The following CACNA1S variants were observed in gnomAD, a reference collection of about 807,000 sequenced individuals.
CACNA1S encodes voltage-dependent L-type calcium channel subunit alpha-1S.
Under a neutral mutation model 207.4 loss-of-function variants are expected in CACNA1S, and 126 were observed. The ratio of observed to expected loss-of-function variants is 0.61; its 90% CI spans 0.53 to 0.70. The LOEUF (loss-of-function observed/expected upper bound fraction) is 0.70, where lower values mean the gene tolerates loss of function less well. Among genes scored for constraint, CACNA1S ranks in the 30% least tolerant of loss-of-function variants. The pLI, the probability that CACNA1S is intolerant of heterozygous loss-of-function variation, is 0.00. For synonymous variants in CACNA1S, 960 were observed against 932.7 expected (o/e 1.03, Z -0.53); for missense variants, 2,349 against 2,422.8 (o/e 0.97, Z 0.64).
intron 40 of CACNA1S, chr1:201,042,000 C>T (rs1483564083): frequency 6.2e-6 from 2 of 320,852 alleles, no homozygotes; most frequent in Admixed American, 4.1e-5. Flanking sequence ...TTTGCAGAAG[C>T]TCCCTGGATT....
rs566562378 is a variant in CACNA1S at position 201,070,315 on chromosome 1, T to G, written c.2317A>C (p.Ile773Leu). The G allele has an allele frequency of 6.2e-7, 1 of 1,613,972 alleles. No homozygotes were observed. Among genetic ancestry groups the G allele is most frequent in the East Asian group, 2.2e-5 (1 of 44,892 alleles). Residue 773 changes from isoleucine (I) to leucine (L), a missense_variant, in exon 17 of 44, where the codon ATT becomes CTT. Transcript: ENST00000362061. Reference protein sequence around the residue: ...ELQLKEKAVPIPEASSFFIFS... With the variant: ...ELQLKEKAVPLPEASSFFIFS... Reference sequence around the variant, plus strand: ...ATGAAGAAGGAGCTGGCTTCTGGAATGGGCACGGCCTTCTCTTTCAGCTGC... The same window carrying G: ...ATGAAGAAGGAGCTGGCTTCTGGAAGGGGCACGGCCTTCTCTTTCAGCTGC...
intron 11 of CACNA1S, among the ~76,000 whole-genome samples, chr1:201,077,587 T>C (rs891131387): frequency 3.9e-5 from 6 of 152,224 alleles, no homozygotes; most frequent in Non-Finnish European, 8.8e-5. Flanking sequence ...CCTGTCCTCC[T>C]TCCCTCTTCC....
At position 201,039,744 on chromosome 1, in the gene CACNA1S, C is replaced by T. The variant is rs577214090; in HGVS notation, c.*87G>A. The T allele has an allele frequency of 3.7e-4, 569 of 1,549,776 alleles. No homozygotes were observed. The highest frequency in any genetic ancestry group is 4.5e-4 in the Non-Finnish European group (511 of 1,136,314). ...CTGCTGAGAGGGAGGGAGGCTGCTG[C>T]GGTGGGCTAGCCCTTCTCCACCCCA... On this transcript the variant is annotated 3_prime_UTR_variant, in exon 44 of 44. Coordinates refer to ENST00000362061, the MANE Select transcript of CACNA1S (RefSeq NM_000069.3).
At chr1:201,082,160 C>A (rs1661863218) in intron 10 of CACNA1S, among the ~76,000 whole-genome samples, 1 of 151,786 alleles carries the variant, frequency 6.6e-6, no homozygotes, top group African/African-American at 2.4e-5. Context: ...TCCTGAGTAG[C>A]TGGGACTACG....
At chr1:201,043,005 C>T (rs1484190472) in intron 40 of CACNA1S, 1 of 430,614 alleles carries the variant, frequency 2.3e-6, no homozygotes, top group Non-Finnish European at 4.3e-6. Flanking sequence ...GTGTTCAATA[C>T]GTCTCAGCTC....
In CACNA1S at chr1:201,074,534, C is replaced by T. The variant is rs772021179; in HGVS notation, c.2035G>A (p.Glu679Lys). 1.2e-6 allele frequency: 2 copies of T among 1,613,688 alleles called. No individual in the cohort carries two copies. Among genetic ancestry groups the T allele is most frequent in the Non-Finnish European group, 1.7e-6 (2 of 1,179,616 alleles). Residue 679 changes from glutamate to lysine, a missense_variant, in exon 14 of 44, where the codon GAG becomes AAG. Physicochemically the swap from Glu to Lys is moderately conservative, Grantham distance 56. Transcript: ENST00000362061. ...SLTSAQKAKA[E>K]EKKRRKMSKG... Reference sequence around the variant, plus strand: ...GACATCTTCCTGCGTTTTTTCTCCTCAGCCTTGGCCTTCTGGGCAGAAGTC... The same window carrying T: ...GACATCTTCCTGCGTTTTTTCTCCTTAGCCTTGGCCTTCTGGGCAGAAGTC...
At chr1:201,076,221 G>T (rs1280817233) in intron 12 of CACNA1S, among the ~76,000 whole-genome samples, 1 of 152,186 alleles carries the variant, frequency 6.6e-6, no homozygotes, top group Non-Finnish European at 1.5e-5. Flanking sequence ...CTGTTATTCT[G>T]GCCTTAGAAG....
intron 5 of CACNA1S, 82 bp downstream of exon 5, chr1:201,091,558 G>A (rs1157342640): frequency 2.0e-6 from 3 of 1,496,484 alleles, no homozygotes; most frequent in African/African-American, 1.4e-5. Flanking sequence ...TGAGCTCCGG[G>A]CTCCTTCACC....
chr1:201,106,418 TTGCCCACGTGGCTTCCTC>T (rs1461425379), intron 2 of CACNA1S, among the ~76,000 whole-genome samples: 1 of 152,062 alleles, frequency 6.6e-6, no homozygotes, highest in Non-Finnish European at 1.5e-5. Flanking sequence ...CTCCAGCCCT[TTGCCCACGTGGCTTCCTC>T]TGCCCAGAAT....
chr1:201,091,828 G>A (rs755975821), intron 4 of CACNA1S, 36 bp from the exon 5 acceptor site: 240 of 1,601,754 alleles, frequency 1.5e-4, no homozygotes, highest in Middle Eastern at 1.7e-4. Context: ...AAGAGGAGTC[G>A]CCTCTGCTTG....
chr1:201,082,702 T>C (rs140757361), intron 10 of CACNA1S, among the ~76,000 whole-genome samples: 1 of 152,352 alleles, frequency 6.6e-6, no homozygotes, highest in Non-Finnish European at 1.5e-5. Flanking sequence ...GGTGTATTAG[T>C]GTTCTCTGTA....
chr1:201,052,546 GAGACGCGTGCCTGA>G lies in CACNA1S; in HGVS notation c.3950_3953+10del, dbSNP rs1558057271. ...AGCGGGGTAGGGGTGGGGGTGGCGG[GAGACGCGTGCCTGA>G]AGAGCAGTAGCACAGCTTGTGGGAA... On this transcript the variant is annotated splice_donor_variant and splice_donor_5th_base_variant and coding_sequence_variant and intron_variant, in exon 32 of 44. Coordinates refer to ENST00000362061, the MANE Select transcript of CACNA1S (RefSeq NM_000069.3). LOFTEE classifies it high-confidence loss of function. 2 of 1,605,750 alleles carry G rather than the reference GAGACGCGTGCCTGA, an allele frequency of 1.2e-6. No individual in the cohort carries two copies. The highest frequency in any genetic ancestry group is 4.5e-5 in the East Asian group (2 of 44,820).
intron 16 of CACNA1S, among the ~76,000 whole-genome samples, chr1:201,071,586 T>A (rs1661437065): frequency 1.3e-5 from 2 of 152,180 alleles, no homozygotes; most frequent in Non-Finnish European, 2.9e-5. Context: ...TCAGTCCCCT[T>A]GGTAAGACTC....
At chr1:201,049,172 G>T (rs1660571636) in intron 34 of CACNA1S, 73 bp from the exon 35 acceptor site, 2 of 1,055,432 alleles carry the variant, frequency 1.9e-6, no homozygotes, top group Non-Finnish European at 2.9e-6. Flanking sequence ...TCAGAGGATG[G>T]GCAATGGGAA....
At chr1:201,065,012 G>C (rs374121124) in intron 22 of CACNA1S, among the ~76,000 whole-genome samples, 1 of 152,162 alleles carries the variant, frequency 6.6e-6, no homozygotes, top group Non-Finnish European at 1.5e-5. Context: ...GGGAGGAAGC[G>C]GGCAAGGGTG....
At position 201,092,134 on chromosome 1, in the gene CACNA1S, G is replaced by C. The variant is rs1662256996; in HGVS notation, c.399-20C>G. ...AAGACCCTAGAATGGAGAAGAGGGA[G>C]AGAGGGGGTCCAGGGGTTGGAAAAG... On this transcript the variant is annotated intron_variant, in intron 3 of 43. Transcript: ENST00000362061. 1.9e-6 allele frequency: 3 copies of C among 1,613,982 alleles called. No homozygotes were observed. The highest frequency in any genetic ancestry group is 3.3e-5 in the Admixed American group (2 of 60,010).
At chr1:201,088,416 C>A (rs1354479660) in intron 6 of CACNA1S, among the ~76,000 whole-genome samples, 1 of 152,178 alleles carries the variant, frequency 6.6e-6, no homozygotes, top group African/African-American at 2.4e-5. Flanking sequence ...ATGTGACAGT[C>A]CTTTGACATT....
chr1:201,100,836 C>T (rs1429736643), intron 2 of CACNA1S, among the ~76,000 whole-genome samples: 2 of 151,812 alleles, frequency 1.3e-5, no homozygotes, highest in East Asian at 1.9e-4. Context: ...TTAATCCTCA[C>T]TGAAACTTTA....
At chr1:201,082,777 T>C (rs77685812) in intron 10 of CACNA1S, among the ~76,000 whole-genome samples, 5,335 of 152,270 alleles carry the variant, frequency 0.035, 232 homozygotes, top group African/African-American at 0.1. Flanking sequence ...TGAAAGACTG[T>C]TGTTTTTGTA....
Sources: gnomAD v4.1 joint callset for allele counts (sites outside exome capture counted in the v4.1 genomes callset) on GRCh38, gnomAD v4.1.1 for gene constraint, MANE v1.5 for transcripts, NCBI Gene and HGNC (gene_info 2026-07-23, HGNC 2026-07-21) for gene names.